The following USP32 variants were observed in gnomAD, a reference collection of about 807,000 sequenced individuals.
The protein encoded by USP32 is ubiquitin specific peptidase 32.
A neutral mutation model predicts 204.8 loss-of-function variants in USP32; 59 were observed. That is an observed-to-expected ratio of 0.29 (90% CI 0.23 to 0.36). USP32 has a LOEUF of 0.36. Ranked by LOEUF, USP32 falls within the 10% of genes least tolerant of loss-of-function variation. USP32 has a pLI of 1.00. For missense variants in USP32, 1,160 were observed against 1,946.4 expected (o/e 0.60, Z 7.60); for synonymous variants, 517 against 678.4 (o/e 0.76, Z 3.70).
intron 1 of USP32, among the ~76,000 whole-genome samples, chr17:60,387,958 G>A (rs1002027152): frequency 3.3e-5 from 5 of 152,084 alleles, no homozygotes; most frequent in Admixed American, 6.5e-5. Context: ...CCATCGTAAA[G>A]TTAAATTGTA....
At chr17:60,379,469 T>C (rs570314479) in intron 1 of USP32, among the ~76,000 whole-genome samples, 1 of 152,126 alleles carries the variant, frequency 6.6e-6, no homozygotes, top group Non-Finnish European at 1.5e-5. Context: ...GTTTAGCTTA[T>C]CTCTGCCAGG....
chr17:60,339,903 A>T (rs763939219), intron 2 of USP32, among the ~76,000 whole-genome samples: 6 of 152,360 alleles, frequency 3.9e-5, no homozygotes, highest in African/African-American at 1.4e-4. Context: ...CTATTAAAAC[A>T]AAACATTATT....
intron 25 of USP32, 143 bp from the exon 26 acceptor site, chr17:60,205,801 T>G (rs1413956872): frequency 1.0e-5 from 12 of 1,158,068 alleles, no homozygotes; most frequent in African/African-American, 1.6e-5. Context: ...ATTCTAGATT[T>G]ATTGGAAGAT....
At chr17:60,207,945 G>A (rs922562704) in intron 24 of USP32, 114 bp downstream of exon 24, 16 of 1,428,984 alleles carry the variant, frequency 1.1e-5, no homozygotes, top group Middle Eastern at 2.0e-4. Flanking sequence ...TTCAGTTTTC[G>A]TTATGTTTTA....
chr17:60,298,736 A>G (rs936273262), intron 3 of USP32, among the ~76,000 whole-genome samples: 1 of 152,204 alleles, frequency 6.6e-6, no homozygotes, highest in Non-Finnish European at 1.5e-5. Context: ...CAGGATCACA[A>G]TTATATTCCA....
intron 12 of USP32, among the ~76,000 whole-genome samples, chr17:60,231,804 C>T (rs1200733841): frequency 6.6e-6 from 1 of 152,168 alleles, no homozygotes; most frequent in East Asian, 1.9e-4. Context: ...CACCATTCTT[C>T]CCCATTTACA....
chr17:60,182,450 T>C (rs1473603012), intron 31 of USP32, among the ~76,000 whole-genome samples: 2 of 152,186 alleles, frequency 1.3e-5, no homozygotes, highest in East Asian at 3.8e-4. Flanking sequence ...AAGGCACATA[T>C]TGTCTTAGTA....
intron 5 of USP32, among the ~76,000 whole-genome samples, chr17:60,287,788 A>G (rs969399480): frequency 3.3e-5 from 5 of 151,954 alleles, no homozygotes; most frequent in African/African-American, 1.2e-4. Context: ...TCTTTTTATT[A>G]CATTTTGAAA....
chr17:60,259,901 T>G (rs1361617182), intron 9 of USP32, among the ~76,000 whole-genome samples: 1 of 152,204 alleles, frequency 6.6e-6, no homozygotes, highest in Non-Finnish European at 1.5e-5. Context: ...TATTTAGAAG[T>G]TTGGTGATAT....
At chr17:60,283,563 A>AGCT (rs2087026264) in intron 5 of USP32, among the ~76,000 whole-genome samples, 1 of 152,230 alleles carries the variant, frequency 6.6e-6, no homozygotes, top group African/African-American at 2.4e-5. Flanking sequence ...GATGGATAGA[A>AGCT]TCTAATATGA....
chr17:60,231,482 G>T, intron 12 of USP32: 1 of 473,716 alleles, frequency 2.1e-6, no homozygotes, highest in Non-Finnish European at 4.3e-6. Context: ...AGAGAAGAGA[G>T]GTGTTTCATT....
chr17:60,245,946 A>G (rs1481524849), intron 11 of USP32, among the ~76,000 whole-genome samples: 3 of 151,692 alleles, frequency 2.0e-5, no homozygotes, highest in Non-Finnish European at 4.4e-5. Flanking sequence ...TGATATTCTG[A>G]TATATGCATA....
chr17:60,270,823 CAAAA>C (rs56653936), intron 6 of USP32, among the ~76,000 whole-genome samples: 2 of 63,520 alleles, frequency 3.1e-5, no homozygotes, highest in African/African-American at 5.1e-5. Context: ...AACTCTGCCT[CAAAA>C]AAAAAAAAAA....
At chr17:60,383,610 G>A (rs1341730361) in intron 1 of USP32, among the ~76,000 whole-genome samples, 2 of 152,228 alleles carry the variant, frequency 1.3e-5, no homozygotes, top group East Asian at 1.9e-4. Flanking sequence ...AAAGGAAGGC[G>A]TCCTTGAGGC....
chr17:60,374,417 CAG>C (rs2089502074), intron 1 of USP32, among the ~76,000 whole-genome samples: 1 of 148,422 alleles, frequency 6.7e-6, no homozygotes, highest in African/African-American at 2.5e-5. Context: ...TTTTTTGAGA[CAG>C]AGTCTTACTC....
chr17:60,385,377 T>C (rs1477078429), intron 1 of USP32, among the ~76,000 whole-genome samples: 4 of 152,140 alleles, frequency 2.6e-5, no homozygotes, highest in African/African-American at 7.2e-5. Context: ...GTCTGTTTGG[T>C]GGTCTCTTCA....
intron 13 of USP32, among the ~76,000 whole-genome samples, chr17:60,225,691 C>T (rs536774829): frequency 3.3e-5 from 5 of 151,848 alleles, no homozygotes; most frequent in Non-Finnish European, 5.9e-5. Flanking sequence ...TGGTGGCTCA[C>T]GCCTGTAATC....
intron 5 of USP32, among the ~76,000 whole-genome samples, chr17:60,282,271 G>A (rs1460999966): frequency 6.6e-6 from 1 of 152,202 alleles, no homozygotes; most frequent in East Asian, 1.9e-4. Flanking sequence ...AAAAGTTTTA[G>A]AAGGAAGACC....
Position 60,220,736 on chromosome 17 carries a change from C to T in USP32, c.1750-949G>A, listed in dbSNP as rs140993473. The stretch of plus-strand genomic sequence containing the variant: ...TCGGCTCACCGCAAGCTCTGCCTCC[C>T]GGGTTCTTGCCATTCTCCCGCCTCA... On this transcript the variant is annotated intron_variant, in intron 15 of 33. Transcript: ENST00000300896. Among the ~76,000 whole-genome samples, 1,233 of 152,188 alleles carry T rather than the reference C, an allele frequency of 8.1e-3. 14 individuals are homozygous for T. The highest frequency in any genetic ancestry group is 0.027 in the African/African-American group (1,135 of 41,518).
Sources: allele counts gnomAD v4.1 joint callset (sites outside exome capture counted in the v4.1 genomes callset), GRCh38; gene constraint gnomAD v4.1.1; transcripts MANE v1.5; gene names NCBI Gene and HGNC (gene_info 2026-07-23, HGNC 2026-07-21).